The following PPP4R4 variants were observed in gnomAD, a reference collection of about 807,000 sequenced individuals.
PPP4R4 encodes serine/threonine-protein phosphatase 4 regulatory subunit 4.
A neutral mutation model predicts 121.8 loss-of-function variants in PPP4R4; 70 were observed. The observed-to-expected ratio is 0.57, with a 90% CI of 0.47 to 0.70. PPP4R4 has a LOEUF of 0.70. Among genes scored for constraint, PPP4R4 ranks in the 30% least tolerant of loss-of-function variants. PPP4R4 has a pLI of 0.00. For missense variants in PPP4R4, 875 were observed against 1,033.6 expected, an observed-to-expected ratio of 0.85 and a Z score of 2.10; for synonymous variants, 348 against 355.7, an observed-to-expected ratio of 0.98 and a Z score of 0.24.
At chr14:94,211,063 T>G (rs1335342362) in intron 3 of PPP4R4, among the ~76,000 whole-genome samples, 1 of 152,168 alleles carries the variant, frequency 6.6e-6, no homozygotes, top group Non-Finnish European at 1.5e-5. Flanking sequence ...CTCAATTTTT[T>G]AAAAGAAAGT....
intron 7 of PPP4R4, among the ~76,000 whole-genome samples, chr14:94,235,601 G>A (rs1024543892): frequency 1.1e-4 from 17 of 151,530 alleles, no homozygotes; most frequent in Admixed American, 3.3e-4. Context: ...GGGTTTCACC[G>A]TGTTAGCCAG....
intron 24 of PPP4R4, among the ~76,000 whole-genome samples, chr14:94,275,838 A>T (rs1254432729): frequency 6.6e-6 from 1 of 152,188 alleles, no homozygotes; most frequent in Non-Finnish European, 1.5e-5. Flanking sequence ...ATCCCTTTAA[A>T]CACCTAGCTT....
chr14:94,225,272 G>C (rs1003430749), intron 3 of PPP4R4, among the ~76,000 whole-genome samples: 59 of 152,266 alleles, frequency 3.9e-4, no homozygotes, highest in African/African-American at 1.3e-3. Context: ...TAACAGGGTA[G>C]TAAAAAATTA....
At chr14:94,256,716 T>G (rs1893490686) in intron 17 of PPP4R4, 112 bp downstream of exon 17, 1 of 1,126,668 alleles carries the variant, frequency 8.9e-7, no homozygotes, top group Admixed American at 3.3e-5. Context: ...TTTTTATCCT[T>G]GCTAAAATTG....
chr14:94,231,432 A>T (rs1892028325), intron 5 of PPP4R4, 117 bp downstream of exon 5: 1 of 743,710 alleles, frequency 1.3e-6, no homozygotes, highest in African/African-American at 1.8e-5. Context: ...TTTGAATGTA[A>T]CACGTGCACA....
intron 2 of PPP4R4, 49 bp from the exon 3 acceptor site, chr14:94,208,415 G>A (rs781695455): frequency 1.4e-6 from 2 of 1,385,790 alleles, no homozygotes; most frequent in Admixed American, 3.7e-5. Flanking sequence ...ACTGTGCAGA[G>A]GAATTCAGCT....
At chr14:94,199,296 G>A (rs1890042841) in intron 2 of PPP4R4, among the ~76,000 whole-genome samples, 1 of 152,246 alleles carries the variant, frequency 6.6e-6, no homozygotes, top group South Asian at 2.1e-4. Flanking sequence ...CGTGCAGTGG[G>A]GGAGTGGCGT....
In PPP4R4 at chr14:94,233,681, A is replaced by G. The variant is rs771111764; in HGVS notation, c.545A>G (p.Gln182Arg). The G allele has an allele frequency of 1.4e-5, 22 of 1,599,332 alleles. No homozygotes were observed. Among genetic ancestry groups the G allele is most frequent in the Non-Finnish European group, 1.9e-5 (22 of 1,172,852 alleles). The change falls in exon 6 of 25, where the codon CAA becomes CGA. Residue 182 changes from glutamine to arginine, a missense_variant. Coordinates refer to ENST00000304338, the MANE Select transcript of PPP4R4 (RefSeq NM_058237.2). Reference sequence around the variant, plus strand: ...TTGAATCCACTTGTTTCCAAGGCACAACTTTCCCAAACAGTCCAGTCTCGT... The same window carrying G: ...TTGAATCCACTTGTTTCCAAGGCACGACTTTCCCAAACAGTCCAGTCTCGT... ...EILNPLVSKA[Q>R]LSQTVQSRLV... is the part of the protein sequence containing the mutation.
At chr14:94,271,529 C>G (rs569838944) in intron 23 of PPP4R4, among the ~76,000 whole-genome samples, 3 of 152,244 alleles carry the variant, frequency 2.0e-5, no homozygotes, top group African/African-American at 7.2e-5. Flanking sequence ...TAGGGAACAT[C>G]TACAAAAAAC....
intron 2 of PPP4R4, among the ~76,000 whole-genome samples, chr14:94,192,203 T>C (rs1199048432): frequency 1.3e-5 from 2 of 152,162 alleles, no homozygotes; most frequent in Non-Finnish European, 2.9e-5. Context: ...GTTTTCTACA[T>C]AAACCTTTTA....
intron 3 of PPP4R4, among the ~76,000 whole-genome samples, chr14:94,226,988 A>G (rs986283057): frequency 1.2e-4 from 19 of 152,238 alleles, no homozygotes; most frequent in Admixed American, 1.2e-3. Context: ...CTTGTTGGAG[A>G]CAGCTATTTC....
chr14:94,274,753 A>T (rs1012634463), intron 23 of PPP4R4, among the ~76,000 whole-genome samples: 1 of 152,168 alleles, frequency 6.6e-6, no homozygotes, highest in Non-Finnish European at 1.5e-5. Flanking sequence ...TTAAATATAT[A>T]TTTAGTCTAT....
At chr14:94,205,395 T>A (rs1227342083) in intron 2 of PPP4R4, among the ~76,000 whole-genome samples, 2 of 152,064 alleles carry the variant, frequency 1.3e-5, no homozygotes, top group African/African-American at 4.8e-5. Flanking sequence ...ACCTACCGTT[T>A]CAATCCTGTT....
At chr14:94,267,296 G>A (rs910073942) in intron 23 of PPP4R4, among the ~76,000 whole-genome samples, 1 of 152,134 alleles carries the variant, frequency 6.6e-6, no homozygotes, top group Non-Finnish European at 1.5e-5. Context: ...ATACTGGGAA[G>A]GTTTACTGAG....
In PPP4R4 at chr14:94,203,019, A is replaced by G. The variant is rs148990125; in HGVS notation, c.192-5445A>G. On this transcript the variant is annotated intron_variant, in intron 2 of 24. Coordinates refer to ENST00000304338, the MANE Select transcript of PPP4R4 (RefSeq NM_058237.2). The stretch of plus-strand genomic sequence containing the variant: ...AATCTTTTTATTTTGAGAAAACTAT[A>G]GATTCACATACAGTTGTAAGAAATA... 5.9e-5 allele frequency among the ~76,000 whole-genome samples: 9 copies of G among 152,238 alleles called. No homozygotes were observed. In the East Asian group the frequency reaches 1.4e-3, roughly 23 times the overall value.
At chr14:94,245,737 A>G (rs1892859967) in intron 13 of PPP4R4, 67 bp downstream of exon 13, 5 of 1,145,570 alleles carry the variant, frequency 4.4e-6, no homozygotes, top group Admixed American at 2.3e-5. Flanking sequence ...GGGTGTTTTG[A>G]GGCATCAATG....
intron 5 of PPP4R4, among the ~76,000 whole-genome samples, chr14:94,231,541 G>A (rs1892037262): frequency 6.6e-6 from 1 of 152,196 alleles, no homozygotes; most frequent in Admixed American, 6.5e-5. Context: ...TTTCCTTTCA[G>A]ATTTTTTTCC....
At chr14:94,241,732 T>A in intron 9 of PPP4R4, 56 bp from the exon 10 acceptor site, 1 of 1,354,996 alleles carries the variant, frequency 7.4e-7, no homozygotes, top group South Asian at 1.4e-5. Flanking sequence ...TGATTTTCCC[T>A]TTTTAAATTT....
chr14:94,213,776 C>T (rs748994007), intron 3 of PPP4R4, among the ~76,000 whole-genome samples: 3 of 152,138 alleles, frequency 2.0e-5, no homozygotes, highest in Non-Finnish European at 4.4e-5. Flanking sequence ...TGGAATGTGG[C>T]CTTGCCAACA....
Sources: gnomAD v4.1 joint callset for allele counts (sites outside exome capture counted in the v4.1 genomes callset) on GRCh38, gnomAD v4.1.1 for gene constraint, MANE v1.5 for transcripts, NCBI Gene and HGNC (gene_info 2026-07-23, HGNC 2026-07-21) for gene names.